LHFPL2: variants seen among roughly 807,000 people sequenced by gnomAD.
LHFPL2 encodes LHFPL tetraspan subfamily member 2 protein.
A neutral mutation model predicts 17.5 loss-of-function variants in LHFPL2; 7 were observed. The ratio of observed to expected loss-of-function variants is 0.40; its 90% CI spans 0.23 to 0.75. The LOEUF (loss-of-function observed/expected upper bound fraction) is 0.75. Among genes scored for constraint, LHFPL2 ranks in the 30% least tolerant of loss-of-function variants. The probability of loss-of-function intolerance (pLI) is 0.37; values close to 1 mark genes in which losing one functional copy is unlikely to be tolerated. For synonymous variants in LHFPL2, 134 were observed against 116.2 expected (o/e 1.15, Z -0.99); for missense variants, 241 against 294.8 (o/e 0.82, Z 1.34).
rs547086974 is a variant in LHFPL2 at position 78,604,013 on chromosome 5, G to A, written c.-245+28251C>T. On this transcript the variant is annotated intron_variant, in intron 2 of 4. Transcript: ENST00000380345. ...CAACACGGCAAGACCCTACCTGCCT[G>A]GGCAACATAGCAAGATCCTATCTCT... 2.6e-5 allele frequency among the ~76,000 whole-genome samples: 4 copies of A among 152,074 alleles called. No individual in the cohort carries two copies. The South Asian group carries it at 8.3e-4, about 32-fold the overall frequency.
At chr5:78,557,653 C>A (rs775092390) in intron 3 of LHFPL2, among the ~76,000 whole-genome samples, 1 of 152,218 alleles carries the variant, frequency 6.6e-6, no homozygotes, top group African/African-American at 2.4e-5. Flanking sequence ...CACCTCCTAA[C>A]ACCACTTGGC....
At position 78,629,365 on chromosome 5, in the gene LHFPL2, A is replaced by C. The variant is rs79460773; in HGVS notation, c.-245+2899T>G. 9.2e-3 allele frequency among the ~76,000 whole-genome samples: 1,400 copies of C among 152,336 alleles called. 24 individuals carry two copies. Among genetic ancestry groups the C allele is most frequent in the African/African-American group, 0.031 (1,309 of 41,570 alleles). ...CAACAACAAAACCCCTACAGTAGGT[A>C]AGACAAACTGGTCACCCAATCACAG... On this transcript the variant is annotated intron_variant, in intron 2 of 4. Transcript: ENST00000380345.
At chr5:78,586,076 AG>A (rs1364246417) in intron 2 of LHFPL2, among the ~76,000 whole-genome samples, 1 of 152,268 alleles carries the variant, frequency 6.6e-6, no homozygotes, top group Non-Finnish European at 1.5e-5. Context: ...CTTGGGTTTA[AG>A]TAGCAGCTTC....
intron 3 of LHFPL2, among the ~76,000 whole-genome samples, chr5:78,540,591 G>A (rs1424556045): frequency 1.3e-5 from 2 of 152,250 alleles, no homozygotes; most frequent in South Asian, 2.1e-4. Flanking sequence ...GTAGGTCTCT[G>A]AGATGGGAGG....
intron 3 of LHFPL2, among the ~76,000 whole-genome samples, chr5:78,560,538 C>A (rs968561246): frequency 1.3e-5 from 2 of 152,170 alleles, no homozygotes; most frequent in Non-Finnish European, 2.9e-5. Flanking sequence ...GGAGGGGGAT[C>A]ATTTAGCTGA....
chr5:78,621,084 T>C (rs867390852), intron 2 of LHFPL2, among the ~76,000 whole-genome samples: 1 of 152,028 alleles, frequency 6.6e-6, no homozygotes, highest in Non-Finnish European at 1.5e-5. Context: ...ATTCTCATTA[T>C]GACACCATCC....
At chr5:78,495,711 A>G (rs1561304631) in intron 4 of LHFPL2, among the ~76,000 whole-genome samples, 2 of 152,180 alleles carry the variant, frequency 1.3e-5, no homozygotes, top group Non-Finnish European at 2.9e-5. Context: ...GTCTCTGGAG[A>G]GAGTTCACAG....
At chr5:78,548,934 G>A (rs1240563452) in intron 3 of LHFPL2, 1 of 152,164 alleles carries the variant, frequency 6.6e-6, no homozygotes. Context: ...TCTTATATCA[G>A]CATTTCTATT....
chr5:78,561,163 T>TTAAAATTTA (rs1756715284), intron 3 of LHFPL2, among the ~76,000 whole-genome samples: 1 of 152,242 alleles, frequency 6.6e-6, no homozygotes, highest in Non-Finnish European at 1.5e-5. Context: ...TTGATCTGGT[T>TTAAAATTTA]TAAAATTTAT....
chr5:78,580,850 G>A (rs1450407176), intron 2 of LHFPL2, among the ~76,000 whole-genome samples: 1 of 151,976 alleles, frequency 6.6e-6, no homozygotes, highest in Non-Finnish European at 1.5e-5. Flanking sequence ...GGTTCCATAT[G>A]AACTTTAAAG....
chr5:78,491,906 C>G (rs1754457960), intron 4 of LHFPL2, among the ~76,000 whole-genome samples: 1 of 152,158 alleles, frequency 6.6e-6, no homozygotes, highest in South Asian at 2.1e-4. Flanking sequence ...GATCCCCAGG[C>G]TACATTCAGT....
chr5:78,504,160 AC>A (rs2112311061), intron 4 of LHFPL2, among the ~76,000 whole-genome samples: 1 of 152,226 alleles, frequency 6.6e-6, no homozygotes, highest in East Asian at 1.9e-4. Context: ...ACAGCCAGAA[AC>A]CAAGAGCCTC....
chr5:78,578,425 T>G (rs2112437285), intron 2 of LHFPL2, among the ~76,000 whole-genome samples: 1 of 152,112 alleles, frequency 6.6e-6, no homozygotes, highest in East Asian at 1.9e-4. Context: ...ACAGGGGGGT[T>G]TTGGGGAGTT....
chr5:78,523,023 G>T (rs1228783336), intron 3 of LHFPL2, among the ~76,000 whole-genome samples: 1 of 152,090 alleles, frequency 6.6e-6, no homozygotes, highest in African/African-American at 2.4e-5. Context: ...AGTCAAGAAG[G>T]GTGGACCATG....
chr5:78,612,899 T>C (rs1224548503), intron 2 of LHFPL2, among the ~76,000 whole-genome samples: 1 of 152,254 alleles, frequency 6.6e-6, no homozygotes, highest in East Asian at 1.9e-4. Context: ...AATGCATTAA[T>C]GATGGTCCCC....
chr5:78,578,390 T>A (rs1757186120), intron 2 of LHFPL2, among the ~76,000 whole-genome samples: 1 of 152,150 alleles, frequency 6.6e-6, no homozygotes, highest in Non-Finnish European at 1.5e-5. Flanking sequence ...AGGATCTAAA[T>A]GAGGCTGGGT....
At chr5:78,562,495 C>T (rs1756754363) in intron 3 of LHFPL2, among the ~76,000 whole-genome samples, 1 of 152,086 alleles carries the variant, frequency 6.6e-6, no homozygotes, top group African/African-American at 2.4e-5. Context: ...ATTAGCTGGG[C>T]ATGGTGGCAG....
At chr5:78,510,923 C>A (rs1755100015) in intron 3 of LHFPL2, among the ~76,000 whole-genome samples, 1 of 152,190 alleles carries the variant, frequency 6.6e-6, no homozygotes, top group Non-Finnish European at 1.5e-5. Context: ...AGCAACACCC[C>A]GCTTTTATTT....
intron 2 of LHFPL2, among the ~76,000 whole-genome samples, chr5:78,619,463 C>T (rs1744749137): frequency 6.6e-6 from 1 of 151,108 alleles, no homozygotes; most frequent in South Asian, 2.1e-4. Flanking sequence ...AGTTTACACT[C>T]GCTATGCCTC....
Sources: allele counts gnomAD v4.1 joint callset (sites outside exome capture counted in the v4.1 genomes callset), GRCh38; gene constraint gnomAD v4.1.1; transcripts MANE v1.5; gene names NCBI Gene and HGNC (gene_info 2026-07-23, HGNC 2026-07-21).